The following DGKD variants were observed in gnomAD, a reference collection of about 807,000 sequenced individuals.
DGKD encodes DAG kinase delta.
Under a neutral mutation model 154.4 loss-of-function variants are expected in DGKD, and 68 were observed. The ratio of observed to expected loss-of-function variants is 0.44; its 90% CI spans 0.36 to 0.54. The LOEUF (loss-of-function observed/expected upper bound fraction) is 0.54. DGKD is among the 20% of genes least tolerant of loss of function. The probability of loss-of-function intolerance (pLI) is 0.00; values close to 1 mark genes in which losing one functional copy is unlikely to be tolerated. For missense variants in DGKD, 1,343 were observed against 1,593.6 expected, an observed-to-expected ratio of 0.84 and a Z score of 2.68; for synonymous variants, 693 against 638.0, an observed-to-expected ratio of 1.09 and a Z score of -1.30.
At chr2:233,432,570 A>G (rs1268211017) in intron 3 of DGKD, among the ~76,000 whole-genome samples, 1 of 152,188 alleles carries the variant, frequency 6.6e-6, no homozygotes, top group Admixed American at 6.5e-5. Flanking sequence ...GAGGCAGGAG[A>G]ATGGCATGAA....
intron 11 of DGKD, among the ~76,000 whole-genome samples, chr2:233,446,080 G>T (rs543358509): frequency 6.6e-6 from 1 of 152,184 alleles, no homozygotes; most frequent in African/African-American, 2.4e-5. Flanking sequence ...AATACCCATC[G>T]GAAGAATGCT....
intron 10 of DGKD, among the ~76,000 whole-genome samples, chr2:233,444,032 C>T (rs940575103): frequency 2.0e-5 from 3 of 152,222 alleles, no homozygotes; most frequent in Admixed American, 6.5e-5. Context: ...TCTCCTCCTT[C>T]GCTTTTGAAC....
In DGKD at chr2:233,449,186, G is replaced by A. The variant is rs542183550; in HGVS notation, c.1698G>A (p.Pro566=). 6.4e-5 allele frequency: 103 copies of A among 1,613,332 alleles called. No homozygotes were observed. Among genetic ancestry groups the A allele is most frequent in the Non-Finnish European group, 8.4e-5 (99 of 1,179,860 alleles). The change falls in exon 15 of 30, where the codon CCG becomes CCA. Residue 566 remains proline, a synonymous_variant. Transcript: ENST00000264057. This position sits in a 1 kb window ranked among gnomAD's most constrained non-coding sequence, Gnocchi z 5.3. ...ESQASSSLPN[P]PPTIAEEAED... ...AGGCCTCGTCCTCTCTGCCCAACCC[G>A]CCCCCCACCATTGCCGAGGAGGCTG...
chr2:233,464,783 A>G (rs976618098), intron 27 of DGKD, among the ~76,000 whole-genome samples: 7 of 152,224 alleles, frequency 4.6e-5, no homozygotes, highest in Admixed American at 1.3e-4. Context: ...GTGGAGTCAC[A>G]TTCTTCTGCA....
rs1026967284 is a variant in DGKD at position 233,449,278 on chromosome 2, C to A, written c.1790C>A (p.Pro597Gln). The change falls in exon 15 of 30, where the codon CCG becomes CAG. Residue 597 changes from proline (P) to glutamine (Q), a missense_variant. Coordinates refer to ENST00000264057, the MANE Select transcript of DGKD (RefSeq NM_152879.3). This position sits in a 1 kb window ranked among gnomAD's most constrained non-coding sequence, Gnocchi z 5.3. ...TGDRLVASAC[P>Q]ARPQIFRPRE... ...GACCGCTTGGTGGCATCAGCTTGCC[C>A]GGCCCGGCCGCAGATATTCCGGCCT... 1 of 1,613,234 alleles carries A rather than the reference C, an allele frequency of 6.2e-7. No homozygotes were observed. The highest frequency in any genetic ancestry group is 1.3e-5 in the African/African-American group (1 of 74,938).
intron 18 of DGKD, among the ~76,000 whole-genome samples, chr2:233,453,145 G>T (rs1338559205): frequency 1.3e-5 from 2 of 152,208 alleles, no homozygotes; most frequent in African/African-American, 4.8e-5. Flanking sequence ...TTCCACTTCT[G>T]TTGCTCAGCT....
chr2:233,360,269 T>G (rs1701719209), intron 1 of DGKD, among the ~76,000 whole-genome samples: 1 of 152,020 alleles, frequency 6.6e-6, no homozygotes, highest in Non-Finnish European at 1.5e-5. Flanking sequence ...AAAAAATTTT[T>G]TTTCTTTTTT....
intron 3 of DGKD, among the ~76,000 whole-genome samples, chr2:233,396,010 T>C (rs972295201): frequency 2.0e-5 from 3 of 152,222 alleles, no homozygotes; most frequent in African/African-American, 7.2e-5. Context: ...GAAAAAGGAC[T>C]GAAGAACATG....
At chr2:233,435,553 G>A (rs1462758017) in intron 5 of DGKD, among the ~76,000 whole-genome samples, 1 of 152,180 alleles carries the variant, frequency 6.6e-6, no homozygotes, top group East Asian at 1.9e-4. Context: ...TAGTGGTGAC[G>A]GAAGCTGGTT....
rs1317775256 is a variant in DGKD, at chr2:233,441,511, G to A, written c.1086-376G>A. On this transcript the variant is annotated intron_variant, in intron 9 of 29. Coordinates refer to ENST00000264057, the MANE Select transcript of DGKD (RefSeq NM_152879.3). The surrounding 1 kb of genome is among the most constrained non-coding windows in gnomAD (Gnocchi z 5.6). ...ATGTGGATGGGGCAGGGACAGTGAC[G>A]CAGGGTGGGCTCACATGGTTAGGGG... 1.3e-5 allele frequency among the ~76,000 whole-genome samples: 2 copies of A among 152,214 alleles called. No homozygotes were observed. The highest frequency in any genetic ancestry group is 6.5e-5 in the Admixed American group (1 of 15,286).
chr2:233,437,218 ATAGCAGGCCGGCCCAGGGCCCCTGATGG>A (rs1327823456), intron 7 of DGKD, among the ~76,000 whole-genome samples, 131 bp from the exon 8 acceptor site: 3 of 152,136 alleles, frequency 2.0e-5, no homozygotes. Context: ...GCCCCCGATG[ATAGCAGGCCGGCCCAGGGCCCCTGATGG>A]TAGCAGGCCA....
chr2:233,404,087 GTTTACATGTGTTATATACATGTATAA>G (rs1354740382), intron 3 of DGKD, among the ~76,000 whole-genome samples: 2 of 151,356 alleles, frequency 1.3e-5, no homozygotes, highest in South Asian at 2.1e-4. Flanking sequence ...ATAATTTTGT[GTTTACATGTGTTATATACATGTATAA>G]TTTACATGTG....
chr2:233,471,344 T>TG lies in DGKD; in HGVS notation c.*1889dup, dbSNP rs1301969792. The TG allele has an allele frequency of 1.3e-5, 2 of 152,364 alleles. No individual in the cohort carries two copies. Among genetic ancestry groups the TG allele is most frequent in the African/African-American group, 4.8e-5 (2 of 41,458 alleles). The allele number at this position is 152,364 out of a possible 1,614,324, so 9.4% of individuals were successfully genotyped here. A position where few individuals can be genotyped will look rare whatever the true frequency, so the allele number is the denominator to read the frequency against. ...ATTGTTTTCCCCAGAACATTGTAGATGGGGGTTGGCAGAGGGAGAAATAAG... is the reference window on the plus strand; with the variant it reads ...ATTGTTTTCCCCAGAACATTGTAGATGGGGGGTTGGCAGAGGGAGAAATAAG... On this transcript the variant is annotated 3_prime_UTR_variant, in exon 30 of 30. Coordinates refer to ENST00000264057, the MANE Select transcript of DGKD (RefSeq NM_152879.3).
intron 1 of DGKD, among the ~76,000 whole-genome samples, chr2:233,367,229 C>CTTT (rs11365397): frequency 2.8e-5 from 4 of 144,080 alleles, no homozygotes; most frequent in African/African-American, 2.6e-5. Flanking sequence ...GTATTAATGA[C>CTTT]TTTTTTTTTT....
At chr2:233,355,767 C>T (rs1431039280) in intron 1 of DGKD, among the ~76,000 whole-genome samples, 1 of 152,234 alleles carries the variant, frequency 6.6e-6, no homozygotes, top group African/African-American at 2.4e-5. Context: ...TAGCAAATAA[C>T]AATTCTTTAA....
intron 10 of DGKD, 168 bp downstream of exon 10, chr2:233,442,163 C>G (rs1344410728): frequency 2.8e-6 from 2 of 724,142 alleles, no homozygotes; most frequent in Non-Finnish European, 4.9e-6. Flanking sequence ...GAGGGGAGAG[C>G]CTGGGCCACC....
chr2:233,393,086 G>A (rs1178340826), intron 3 of DGKD, among the ~76,000 whole-genome samples: 2 of 152,046 alleles, frequency 1.3e-5, no homozygotes, highest in Non-Finnish European at 2.9e-5. Flanking sequence ...GTGCAATGAC[G>A]TGATCTTGGC....
rs1041455661 is a variant in DGKD, at chr2:233,438,792, A to G, written c.1085+413A>G. Among the ~76,000 whole-genome samples the G allele has an allele frequency of 8.8e-4, 130 of 148,042 alleles. No individual in the cohort carries two copies. The highest frequency in any genetic ancestry group is 1.2e-3 in the Non-Finnish European group (78 of 67,694). The stretch of plus-strand genomic sequence containing the variant: ...TATCTATCTATCTATCTATCTATCT[A>G]TCTATCTATCTATCTATCTATCTGT... On this transcript the variant is annotated intron_variant, in intron 9 of 29. Coordinates refer to ENST00000264057, the MANE Select transcript of DGKD (RefSeq NM_152879.3). The surrounding 1 kb of genome is among the most constrained non-coding windows in gnomAD (Gnocchi z 4.1).
At chr2:233,387,471 A>G (rs1703261422) in intron 1 of DGKD, among the ~76,000 whole-genome samples, 1 of 152,188 alleles carries the variant, frequency 6.6e-6, no homozygotes, top group South Asian at 2.1e-4. Context: ...ACGTCAAAAC[A>G]TCTCATGACC....
Sources: gnomAD v4.1 joint callset for allele counts (sites outside exome capture counted in the v4.1 genomes callset) on GRCh38, gnomAD v4.1.1 for gene constraint, Gnocchi (gnomAD v3.1) non-coding constraint, MANE v1.5 for transcripts, NCBI Gene and HGNC (gene_info 2026-07-23, HGNC 2026-07-21) for gene names.